LRFN5: variants seen among roughly 807,000 people sequenced by gnomAD.
LRFN5 encodes the protein leucine rich repeat and fibronectin type III domain containing 5.
Under a neutral mutation model 45.6 loss-of-function variants are expected in LRFN5, and 24 were observed. The observed-to-expected ratio is 0.53, with a 90% confidence interval of 0.38 to 0.74. The LOEUF (loss-of-function observed/expected upper bound fraction) is 0.74, where lower values mean the gene tolerates loss of function less well. Among genes scored for constraint, LRFN5 ranks in the 30% least tolerant of loss-of-function variants. The pLI is 0.00. For synonymous variants in LRFN5, 340 were observed against 313.8 expected, an observed-to-expected ratio of 1.08 and a Z score of -0.88; for missense variants, 776 against 861.5, an observed-to-expected ratio of 0.90 and a Z score of 1.24.
intron 2 of LRFN5, among the ~76,000 whole-genome samples, chr14:41,770,810 C>T (rs1264916311): frequency 1.3e-5 from 2 of 152,128 alleles, no homozygotes; most frequent in African/African-American, 4.8e-5. Context: ...CTTCCCACAG[C>T]TCCACTAGAC....
intron 2 of LRFN5, among the ~76,000 whole-genome samples, chr14:41,810,614 T>C (rs1050246373): frequency 3.3e-5 from 5 of 152,098 alleles, no homozygotes; most frequent in Non-Finnish European, 7.4e-5. Context: ...TAAAATTATT[T>C]TCCTAAATTC....
At chr14:41,703,415 G>C (rs1279046443) in intron 1 of LRFN5, among the ~76,000 whole-genome samples, 1 of 151,852 alleles carries the variant, frequency 6.6e-6, no homozygotes, top group African/African-American at 2.4e-5. Context: ...ACAACATTTT[G>C]TCAGCTTGTA....
intron 2 of LRFN5, among the ~76,000 whole-genome samples, chr14:41,784,239 A>G (rs1398986919): frequency 1.3e-5 from 2 of 152,120 alleles, no homozygotes; most frequent in Non-Finnish European, 2.9e-5. Flanking sequence ...ACACTTTATT[A>G]TATTACTCTA....
At position 41,899,028 on chromosome 14, in the gene LRFN5, TTAAG is replaced by T. The variant is rs1436431608; in HGVS notation, c.2142+72_2142+75del. 44 of 1,246,898 alleles carry T rather than the reference TTAAG, an allele frequency of 3.5e-5. No homozygotes were observed. In the South Asian group the frequency reaches 5.4e-4, roughly 15 times the overall value. The allele number at this position is 1,246,898 out of a possible 1,614,324, so 77.2% of individuals were successfully genotyped here. A position where few individuals can be genotyped will look rare whatever the true frequency, so the allele number is the denominator to read the frequency against. On this transcript the variant is annotated intron_variant, in intron 5 of 5. Transcript: ENST00000298119. ...GGTATACACTTTTTATAAATTAACT[TTAAG>T]TAATTAGTTTGCTAATTTATGTAGC...
chr14:41,623,395 C>G (rs749595574), intron 1 of LRFN5, among the ~76,000 whole-genome samples: 7 of 152,082 alleles, frequency 4.6e-5, no homozygotes, highest in Non-Finnish European at 8.8e-5. Flanking sequence ...AACTAAACCT[C>G]TTTCCTTTAT....
rs369164538 is a variant in LRFN5, at chr14:41,611,695, AC to A, written c.-197+3134del. ...ACACCAGCCTTCTGTTCTTTCACAT[AC>A]GTCTCTCCTTCCCTCATAGATCTAA... On this transcript the variant is annotated intron_variant, in intron 1 of 5. Transcript: ENST00000298119. Among the ~76,000 whole-genome samples, 323 of 152,212 alleles carry A rather than the reference AC, an allele frequency of 2.1e-3. 3 individuals are homozygous for A. The highest frequency in any genetic ancestry group is 7.4e-3 in the African/African-American group (309 of 41,524).
chr14:41,775,093 C>CTTTTTTTGT (rs1555316713), intron 2 of LRFN5, among the ~76,000 whole-genome samples: 2 of 112,492 alleles, frequency 1.8e-5, no homozygotes, highest in Non-Finnish European at 3.4e-5. Flanking sequence ...TTTTCTTTTT[C>CTTTTTTTGT]TTTTTTTTTT....
intron 5 of LRFN5, among the ~76,000 whole-genome samples, chr14:41,900,702 A>G (rs1302832062): frequency 1.3e-5 from 2 of 152,074 alleles, no homozygotes; most frequent in African/African-American, 4.8e-5. Context: ...TTCTATTATC[A>G]GATTTAAGTT....
At chr14:41,716,850 A>AT (rs748879037) in intron 1 of LRFN5, among the ~76,000 whole-genome samples, 6 of 152,178 alleles carry the variant, frequency 3.9e-5, no homozygotes, top group Non-Finnish European at 7.4e-5. Context: ...TTCACCATGC[A>AT]TTTTGAAGGG....
At chr14:41,650,264 C>CAAA (rs1185599048) in intron 1 of LRFN5, among the ~76,000 whole-genome samples, 6 of 130,408 alleles carry the variant, frequency 4.6e-5, no homozygotes, top group Admixed American at 2.4e-4. Flanking sequence ...CACACACACA[C>CAAA]ACAAAAAAAA....
At position 41,887,630 on chromosome 14, in the gene LRFN5, G is replaced by A. The variant is rs1890621693; in HGVS notation, c.1005G>A (p.Leu335=). 1.2e-6 allele frequency: 2 copies of A among 1,614,176 alleles called. No individual in the cohort carries two copies. Among genetic ancestry groups the A allele is most frequent in the South Asian group, 2.2e-5 (2 of 91,084 alleles). Residue 335 remains leucine (L), a synonymous_variant, in exon 3 of 6, where the codon CTG becomes CTA. Transcript: ENST00000298119. The surrounding 1 kb of genome is among the most constrained non-coding windows in gnomAD (Gnocchi z 4.8). ...GKLISNATRS[L]VYDNGTLDIL... is the part of the protein sequence containing the mutation. ...TTATTTCAAATGCAACAAGATCTCT[G>A]GTGTATGATAACGGAACACTTGACA... is the stretch of plus-strand genomic sequence containing the variant.
chr14:41,674,854 T>C (rs1413211746), intron 1 of LRFN5, among the ~76,000 whole-genome samples: 12 of 139,584 alleles, frequency 8.6e-5, no homozygotes, highest in African/African-American at 3.0e-4. Flanking sequence ...GACGGGGCGG[T>C]TGCCGGGCGG....
intron 1 of LRFN5, among the ~76,000 whole-genome samples, chr14:41,612,694 A>T (rs1887796494): frequency 6.6e-6 from 1 of 152,078 alleles, no homozygotes; most frequent in Non-Finnish European, 1.5e-5. Context: ...GACTATTTAG[A>T]ACCTAAGGCT....
chr14:41,878,503 T>C (rs184806983), intron 2 of LRFN5, among the ~76,000 whole-genome samples: 1,555 of 152,278 alleles, frequency 0.01, 26 homozygotes, highest in African/African-American at 0.036. Context: ...TGTTATGTAA[T>C]AGCCGTGACA....
chr14:41,770,907 C>T (rs80197532), intron 2 of LRFN5, among the ~76,000 whole-genome samples: 83 of 152,030 alleles, frequency 5.5e-4, no homozygotes, highest in African/African-American at 1.9e-3. Flanking sequence ...GTGAGGAGCT[C>T]CACTCTTGTG....
At chr14:41,842,464 G>T (rs866174703) in intron 2 of LRFN5, among the ~76,000 whole-genome samples, 45 of 152,154 alleles carry the variant, frequency 3.0e-4, no homozygotes, top group African/African-American at 1.1e-3. Flanking sequence ...CATGTTAGTT[G>T]TATATAATTT....
chr14:41,625,168 C>G (rs763991237), intron 1 of LRFN5, among the ~76,000 whole-genome samples: 3 of 152,036 alleles, frequency 2.0e-5, no homozygotes, highest in African/African-American at 4.8e-5. Context: ...ATATAGTACT[C>G]TGTGTTGTAC....
intron 1 of LRFN5, among the ~76,000 whole-genome samples, chr14:41,675,164 A>G (rs374953667): frequency 4.5e-4 from 63 of 141,012 alleles, no homozygotes; most frequent in Non-Finnish European, 8.2e-4. Flanking sequence ...GACGATGGGC[A>G]GCCAGGCAGA....
intron 1 of LRFN5, among the ~76,000 whole-genome samples, chr14:41,741,209 A>C (rs1030099800): frequency 6.7e-6 from 1 of 148,522 alleles, no homozygotes; most frequent in African/African-American, 2.5e-5. Flanking sequence ...ACAGAAATAG[A>C]ATAAAAGTCT....
Sources: allele counts gnomAD v4.1 joint callset (sites outside exome capture counted in the v4.1 genomes callset), GRCh38; gene constraint gnomAD v4.1.1; non-coding constraint Gnocchi (gnomAD v3.1); transcripts MANE v1.5; gene names NCBI Gene and HGNC (gene_info 2026-07-23, HGNC 2026-07-21).